Variants in PIP5K1A observed in about 807,000 individuals in gnomAD.
PIP5K1A encodes the protein phosphatidylinositol-4-phosphate 5-kinase type 1 alpha, also known as phosphatidylinositol 4-phosphate 5-kinase type-1 alpha.
PIP5K1A carries 46 observed loss-of-function variants against 72.9 expected under a neutral mutation model. The observed-to-expected ratio is 0.63, with a 90% CI of 0.50 to 0.81. The LOEUF is 0.81. Among genes scored for constraint, PIP5K1A ranks in the 30% least tolerant of loss-of-function variants. The pLI is 0.00. For synonymous variants in PIP5K1A, 228 were observed against 255.1 expected, an observed-to-expected ratio of 0.89 and a Z score of 1.01; for missense variants, 458 against 706.1, an observed-to-expected ratio of 0.65 and a Z score of 3.98.
intron 1 of PIP5K1A, chr1:151,199,303 G>A (rs1684865395): frequency 2.3e-6 from 2 of 867,268 alleles, no homozygotes; most frequent in Non-Finnish European, 3.4e-6. Flanking sequence ...TGAGGAGGAC[G>A]GATGGAGATT....
intron 12 of PIP5K1A, chr1:151,240,357 A>AG: frequency 3.0e-6 from 1 of 335,476 alleles, no homozygotes; most frequent in South Asian, 2.9e-5. Flanking sequence ...AGATAGGCAG[A>AG]GCCTATGTAC....
chr1:151,242,025 T>C, intron 12 of PIP5K1A, 98 bp from the exon 13 acceptor site: 2 of 1,217,244 alleles, frequency 1.6e-6, no homozygotes, highest in African/African-American at 1.5e-5. Context: ...AGACCAACTT[T>C]GGGTGTGTGT....
rs376559541 is a variant in PIP5K1A, at chr1:151,239,461, T to TG, written c.1278+286dup. 8.9e-3 allele frequency among the ~76,000 whole-genome samples: 1,355 copies of TG among 151,920 alleles called. 12 individuals carry two copies. The highest frequency in any genetic ancestry group is 0.017 in the African/African-American group (707 of 41,462). On this transcript the variant is annotated intron_variant, in intron 11 of 15. Coordinates refer to ENST00000368888, the MANE Select transcript of PIP5K1A (RefSeq NM_001135638.2). Reference sequence around the variant, plus strand: ...CTAATTTTTGTATTTTTAGTAGAGATGGGTTTCACCATGTTGGCCAGGCTG... The same window carrying TG: ...CTAATTTTTGTATTTTTAGTAGAGATGGGGTTTCACCATGTTGGCCAGGCTG...
At chr1:151,244,894 A>C (rs1260292189) in intron 14 of PIP5K1A, among the ~76,000 whole-genome samples, 1 of 145,566 alleles carries the variant, frequency 6.9e-6, no homozygotes, top group Admixed American at 6.8e-5. Context: ...TTTAGACCAC[A>C]TTTTCTTGGC....
At position 151,242,523 on chromosome 1, in the gene PIP5K1A, T is replaced by G; in HGVS notation, c.1596T>G (p.Ser532Arg). 5.0e-6 allele frequency: 8 copies of G among 1,613,952 alleles called. No individual in the cohort carries two copies. Among genetic ancestry groups the G allele is most frequent in the Non-Finnish European group, 6.8e-6 (8 of 1,179,778 alleles). ...AGGGCTCGCCTATTCCTGACCCCAGTTTCTCACCTCTAGTTGGAGAGACTT... is the reference window on the plus strand; with the variant it reads ...AGGGCTCGCCTATTCCTGACCCCAGGTTCTCACCTCTAGTTGGAGAGACTT... The part of the protein sequence containing the change: ...ISEGSPIPDP[S>R]FSPLVGETLQ... Residue 532 changes from serine (S) to arginine (R), a missense_variant, in exon 14 of 16, where the codon AGT becomes AGG. Ser to Arg is a moderately radical substitution (Grantham distance 110). Around this residue, in one of 3 missense-constraint regions of PIP5K1A, gnomAD observed 157 missense variants for 175.5 expected, o/e 0.89. Coordinates refer to ENST00000368888, the MANE Select transcript of PIP5K1A (RefSeq NM_001135638.2).
intron 15 of PIP5K1A, 95 bp downstream of exon 15, chr1:151,247,060 G>T: frequency 1.5e-6 from 1 of 650,802 alleles, no homozygotes; most frequent in South Asian, 3.0e-5. Flanking sequence ...CAAGATTAGA[G>T]GATCTGGGTA....
In PIP5K1A at chr1:151,239,943, T is replaced by A. The variant is rs1255587297; in HGVS notation, c.1279-12T>A. 1 of 1,606,524 alleles carries A rather than the reference T, an allele frequency of 6.2e-7. No homozygotes were observed. Among genetic ancestry groups the A allele is most frequent in the East Asian group, 2.2e-5 (1 of 44,764 alleles). ...GGCCTCCTAACTCTATAGCATTTCT[T>A]CTGCTCTGCAGGACACTGTCTCAGT... is the stretch of plus-strand genomic sequence containing the variant. On this transcript the variant is annotated splice_polypyrimidine_tract_variant and intron_variant, in intron 11 of 15. Coordinates refer to ENST00000368888, the MANE Select transcript of PIP5K1A (RefSeq NM_001135638.2).
intron 1 of PIP5K1A, among the ~76,000 whole-genome samples, chr1:151,203,924 G>A (rs766659973): frequency 3.9e-5 from 6 of 152,076 alleles, no homozygotes; most frequent in Admixed American, 1.3e-4. Context: ...AATGGTCATC[G>A]CTCACCTATA....
At chr1:151,244,390 C>T (rs898066773) in intron 14 of PIP5K1A, among the ~76,000 whole-genome samples, 2 of 152,080 alleles carry the variant, frequency 1.3e-5, no homozygotes, top group Non-Finnish European at 2.9e-5. Flanking sequence ...TGATGGCTCA[C>T]GCCTGTAATC....
chr1:151,208,465 A>AT (rs1483635076), intron 1 of PIP5K1A, among the ~76,000 whole-genome samples: 1 of 148,894 alleles, frequency 6.7e-6, no homozygotes, highest in East Asian at 2.0e-4. Context: ...CTTTCAAGCG[A>AT]TTCCCCTGCC....
chr1:151,227,779 G>A (rs915622964), intron 4 of PIP5K1A, among the ~76,000 whole-genome samples: 5 of 152,060 alleles, frequency 3.3e-5, no homozygotes, highest in East Asian at 1.9e-4. Flanking sequence ...CCAGCTACTC[G>A]GGATGTTGAG....
chr1:151,217,507 A>C (rs917370682), intron 1 of PIP5K1A, among the ~76,000 whole-genome samples: 1 of 152,156 alleles, frequency 6.6e-6, no homozygotes, highest in Admixed American at 6.5e-5. Context: ...AAATCAACAA[A>C]ATTCTGAGCT....
chr1:151,202,224 A>G (rs1685305754), intron 1 of PIP5K1A, among the ~76,000 whole-genome samples: 1 of 152,184 alleles, frequency 6.6e-6, no homozygotes, highest in Non-Finnish European at 1.5e-5. Context: ...CATTTTCAGC[A>G]TTGTCAGAGA....
intron 1 of PIP5K1A, among the ~76,000 whole-genome samples, chr1:151,221,302 G>C (rs2102372865): frequency 6.6e-6 from 1 of 152,316 alleles, no homozygotes; most frequent in East Asian, 1.9e-4. Flanking sequence ...AGAGATGCCT[G>C]AGTGATGGAG....
At chr1:151,236,507 A>G (rs1690879611) in intron 8 of PIP5K1A, 51 bp from the exon 9 acceptor site, 1 of 1,392,642 alleles carries the variant, frequency 7.2e-7, no homozygotes, top group Non-Finnish European at 1.0e-6. Context: ...GATCCTGAAA[A>G]ATATTTTTAT....
intron 10 of PIP5K1A, 63 bp from the exon 11 acceptor site, chr1:151,239,067 T>C: frequency 1.6e-6 from 2 of 1,217,618 alleles, no homozygotes; most frequent in Non-Finnish European, 2.4e-6. Flanking sequence ...CCCTAAAATA[T>C]AAAGTTATTA....
chr1:151,206,535 TAATTA>T (rs1685952347), intron 1 of PIP5K1A, among the ~76,000 whole-genome samples: 1 of 152,088 alleles, frequency 6.6e-6, no homozygotes, highest in African/African-American at 2.4e-5. Flanking sequence ...TTAGGATATT[TAATTA>T]GAGTATATTA....
chr1:151,215,830 A>G, intron 1 of PIP5K1A: 1 of 422,584 alleles, frequency 2.4e-6, no homozygotes, highest in Non-Finnish European at 4.8e-6. Flanking sequence ...ATTTCACAGT[A>G]TGGTGCTAGG....
rs1210317038 is a variant in PIP5K1A at position 151,227,354 on chromosome 1, T to C, written c.191T>C (p.Ile64Thr). ...PYASGMPIKK[I>T]GHRSVDSSGE... is the part of the protein sequence containing the mutation. ...GCCTCTGGCATGCCCATCAAGAAAA[T>C]AGGCCATAGAAGTGTTGATTCCTCA... Residue 64 changes from isoleucine (I) to threonine (T), a missense_variant, in exon 4 of 16, where the codon ATA becomes ACA. Physicochemically the swap from Ile to Thr is moderately conservative, Grantham distance 89. Coordinates refer to ENST00000368888, the MANE Select transcript of PIP5K1A (RefSeq NM_001135638.2). 5.6e-6 allele frequency: 9 copies of C among 1,613,108 alleles called. No individual in the cohort carries two copies. Among genetic ancestry groups the C allele is most frequent in the South Asian group, 2.2e-5 (2 of 91,062 alleles).
Sources: allele counts gnomAD v4.1 joint callset (sites outside exome capture counted in the v4.1 genomes callset), GRCh38; gene constraint gnomAD v4.1.1; regional missense constraint gnomAD v4.1.1; transcripts MANE v1.5; gene names NCBI Gene and HGNC (gene_info 2026-07-23, HGNC 2026-07-21).